The following MPZ variants were observed in gnomAD, a reference collection of about 807,000 sequenced individuals.
MPZ encodes myelin protein zero.
MPZ carries 13 observed loss-of-function variants against 27.9 expected under a neutral mutation model. That is an observed-to-expected ratio of 0.47 (90% confidence interval 0.30 to 0.74). The LOEUF (loss-of-function observed/expected upper bound fraction) is 0.74, where lower values mean the gene tolerates loss of function less well. Among genes scored for constraint, MPZ ranks in the 30% least tolerant of loss-of-function variants. The probability of loss-of-function intolerance (pLI) is 0.06; values close to 1 mark genes in which losing one functional copy is unlikely to be tolerated. For synonymous variants in MPZ, 118 were observed against 128.9 expected, an observed-to-expected ratio of 0.92 and a Z score of 0.57; for missense variants, 256 against 317.5, an observed-to-expected ratio of 0.81 and a Z score of 1.47.
At chr1:161,309,535 C>CATATATATATATATATAT (rs568535304) in intron 1 of MPZ, among the ~76,000 whole-genome samples, 64 of 112,288 alleles carry the variant, frequency 5.7e-4, no homozygotes, top group Non-Finnish European at 9.4e-4. Context: ...TTTTTCTTTT[C>CATATATATATATATATAT]ATATATATAT....
At position 161,307,561 on chromosome 1, in the gene MPZ, C is replaced by G. The variant is rs377278608; in HGVS notation, c.68-137G>C. On this transcript the variant is annotated intron_variant, in intron 1 of 5. Transcript: ENST00000533357. ...GAAAAGAAACAACAAATTCTGAGCCCCAAGTCTCTGGGGACTAACTGAACA... is the reference window on the plus strand; with the variant it reads ...GAAAAGAAACAACAAATTCTGAGCCGCAAGTCTCTGGGGACTAACTGAACA... 2.6e-5 allele frequency: 24 copies of G among 907,174 alleles called. No homozygotes were observed. In the African/African-American group the frequency reaches 3.5e-4, roughly 13 times the overall value. 56.2% of individuals were successfully genotyped at this position (907,174 alleles called of 1,614,324 possible). A position where few individuals can be genotyped will look rare whatever the true frequency, so the allele number is the denominator to read the frequency against.
At chr1:161,307,022 A>AG in intron 2 of MPZ, 101 bp from the exon 3 acceptor site, 1 of 969,566 alleles carries the variant, frequency 1.0e-6, no homozygotes, top group East Asian at 2.9e-5. Flanking sequence ...AGCAAAAAAA[A>AG]AAAAAAAAAA....
At position 161,305,836 on chromosome 1, in the gene MPZ, C is replaced by G. The variant is rs772044418; in HGVS notation, c.*40G>C. 4.1e-6 allele frequency: 6 copies of G among 1,465,752 alleles called. No homozygotes were observed. The Admixed American group carries it at 1.0e-4, about 25-fold the overall frequency. 90.8% of individuals were successfully genotyped at this position (1,465,752 alleles called of 1,614,324 possible). A position where few individuals can be genotyped will look rare whatever the true frequency, so the allele number is the denominator to read the frequency against. On this transcript the variant is annotated 3_prime_UTR_variant, in exon 6 of 6. Transcript: ENST00000533357. ...ATCACCTTTGGGCCTTTGGCGGACT[C>G]CACCCCTAACCCCCGATCCCCCGCC...
intron 1 of MPZ, among the ~76,000 whole-genome samples, chr1:161,309,101 A>T (rs1208394321): frequency 1.3e-5 from 2 of 152,236 alleles, no homozygotes; most frequent in African/African-American, 4.8e-5. Flanking sequence ...GGGCAAGGAA[A>T]GGGCTGGTCA....
In MPZ at chr1:161,305,603, A is replaced by C; in HGVS notation, c.*273T>G. The C allele has an allele frequency of 2.0e-6, 1 of 508,458 alleles. No individual in the cohort carries two copies. Among genetic ancestry groups the C allele is most frequent in the Non-Finnish European group, 3.5e-6 (1 of 285,552 alleles). 31.5% of individuals were successfully genotyped at this position (508,458 alleles called of 1,614,324 possible). ...TGAGGGCAGGGCAGGGCGGGGGAGCAAAGAGGGAAAGCACCTAGACGGGGG... is the reference window on the plus strand; with the variant it reads ...TGAGGGCAGGGCAGGGCGGGGGAGCCAAGAGGGAAAGCACCTAGACGGGGG... On this transcript the variant is annotated 3_prime_UTR_variant, in exon 6 of 6. Transcript: ENST00000533357.
At chr1:161,309,276 C>T (rs1228015536) in intron 1 of MPZ, among the ~76,000 whole-genome samples, 2 of 152,106 alleles carry the variant, frequency 1.3e-5, no homozygotes, top group Non-Finnish European at 2.9e-5. Context: ...CTTTTTCCTT[C>T]TGGGAAACTA....
rs6685495 is a variant in MPZ, at chr1:161,306,586, G to A, written c.448+122C>T. ...CCAGCTAAAACTGCCTTCTGCCCAC[G>A]CTCCCAGAGCCTGAATAAAGGTCCT... On this transcript the variant is annotated intron_variant, in intron 3 of 5. Coordinates refer to ENST00000533357, the MANE Select transcript of MPZ (RefSeq NM_000530.8). 0.2 allele frequency: 309,842 copies of A among 1,539,790 alleles called. 33,563 individuals carry two copies. Among genetic ancestry groups the A allele is most frequent in the Middle Eastern group, 0.3 (1,760 of 5,910 alleles).
At position 161,306,174 on chromosome 1, in the gene MPZ, A is replaced by G. The variant is rs763165525; in HGVS notation, c.585-6T>C. ...ATTTCCCCTTCTCCATAGCACTGCA[A>G]GAAGAGAGACTGCTGTACGTTTGGC... is the stretch of plus-strand genomic sequence containing the variant. On this transcript the variant is annotated splice_region_variant and splice_polypyrimidine_tract_variant and intron_variant, in intron 4 of 5. Coordinates refer to ENST00000533357, the MANE Select transcript of MPZ (RefSeq NM_000530.8). The G allele has an allele frequency of 6.2e-7, 1 of 1,614,160 alleles. No individual in the cohort carries two copies. Among genetic ancestry groups the G allele is most frequent in the Admixed American group, 1.7e-5 (1 of 60,030 alleles).
rs779544770 is a variant in MPZ, at chr1:161,305,895, G to A, written c.728C>T (p.Ser243Phe). 3 of 1,613,672 alleles carry A rather than the reference G, an allele frequency of 1.9e-6. No homozygotes were observed. In the East Asian group the frequency reaches 6.7e-5, roughly 36 times the overall value. Residue 243 changes from serine to phenylalanine, a missense_variant, in exon 6 of 6, where the codon TCT becomes TTT. By Grantham distance (155) the Ser-to-Phe change is radical (BLOSUM62 -2). This residue lies in a region of MPZ where 101 missense variants were observed against 93.6 expected (regional missense o/e 1.08). Coordinates refer to ENST00000533357, the MANE Select transcript of MPZ (RefSeq NM_000530.8). ...TAACCGCTATTTCTTATCCTTGCGAGACTCCCCCAGCCCCTTGGCCTTCTT... is the reference window on the plus strand; with the variant it reads ...TAACCGCTATTTCTTATCCTTGCGAAACTCCCCCAGCCCCTTGGCCTTCTT... ...SEKKAKGLGE[S>F]RKDKK
intron 1 of MPZ, among the ~76,000 whole-genome samples, chr1:161,308,546 T>C (rs1670316510): frequency 6.6e-6 from 1 of 152,168 alleles, no homozygotes. Flanking sequence ...GGGGGGCTCA[T>C]GCCACCCCTA....
At chr1:161,306,308 G>A in intron 4 of MPZ, 21 bp downstream of exon 4, 1 of 1,614,110 alleles carries the variant, frequency 6.2e-7, no homozygotes, top group Non-Finnish European at 8.5e-7. Flanking sequence ...AGGGGGAGGG[G>A]AGCTAGGCTC....
chr1:161,306,565 C>G, intron 3 of MPZ, 101 bp from the exon 4 acceptor site: 5 of 1,572,096 alleles, frequency 3.2e-6, no homozygotes, highest in Non-Finnish European at 3.5e-6. Flanking sequence ...GGACTCCCAG[C>G]TAAAACTGCC....
chr1:161,309,831 C>T lies in MPZ; in HGVS notation c.67+8G>A. The T allele has an allele frequency of 1.3e-6, 2 of 1,574,200 alleles. No individual in the cohort carries two copies. Among genetic ancestry groups the T allele is most frequent in the Non-Finnish European group, 1.7e-6 (2 of 1,159,620 alleles). On this transcript the variant is annotated splice_region_variant and intron_variant, in intron 1 of 5. Coordinates refer to ENST00000533357, the MANE Select transcript of MPZ (RefSeq NM_000530.8). ...CCAAGACTCCCAGAGTAGAGTGGCT[C>T]CACTTACCCAAAGAAGAGAAGAGCA... is the stretch of plus-strand genomic sequence containing the variant.
In MPZ at chr1:161,306,114, C is replaced by T. The variant is rs1558153432; in HGVS notation, c.639G>A (p.Gly213=). Residue 213 remains glycine (G), a synonymous_variant, in exon 5 of 6, where the codon GGG becomes GGA. Coordinates refer to ENST00000533357, the MANE Select transcript of MPZ (RefSeq NM_000530.8). ...GGCCCCAAGTCCCGCTAACCTGCCG[C>T]CCGCGCTTCGACGCGTCCTTTCCTG... The part of the protein sequence containing the change: ...HKPGKDASKR[G]RQTPVLYAML... The T allele has an allele frequency of 6.2e-7, 1 of 1,614,256 alleles. No individual in the cohort carries two copies. Among genetic ancestry groups the T allele is most frequent in the Admixed American group, 1.7e-5 (1 of 60,036 alleles).
At chr1:161,309,552 A>ATATATATATATATATTTTTTTTTTTTTT in intron 1 of MPZ, among the ~76,000 whole-genome samples, 1 of 80,666 alleles carries the variant, frequency 1.2e-5, no homozygotes, top group Non-Finnish European at 2.4e-5. Context: ...ATATATATAT[A>ATATATATATATATATTTTTTTTTTTTTT]TTTTTTTTTT....
At chr1:161,303,975 G>A (rs1384075000), downstream of MPZ, among the ~76,000 whole-genome samples, 1 of 152,118 alleles carries the variant, frequency 6.6e-6, no homozygotes, top group African/African-American at 2.4e-5. Flanking sequence ...GAAATTACTT[G>A]TGGGCACTTT....
chr1:161,309,552 A>ATATATTTTTTT, intron 1 of MPZ, among the ~76,000 whole-genome samples: 3 of 80,666 alleles, frequency 3.7e-5, no homozygotes, highest in Admixed American at 2.6e-4. Flanking sequence ...ATATATATAT[A>ATATATTTTTTT]TTTTTTTTTT....
chr1:161,308,402 T>C (rs1414916899), intron 1 of MPZ, among the ~76,000 whole-genome samples: 1 of 152,150 alleles, frequency 6.6e-6, no homozygotes, highest in African/African-American at 2.4e-5. Context: ...CCCCAAGACT[T>C]ACCCACACAA....
chr1:161,306,223 G>A, intron 4 of MPZ, 55 bp from the exon 5 acceptor site: 2 of 1,611,432 alleles, frequency 1.2e-6, no homozygotes, highest in Non-Finnish European at 1.7e-6. Flanking sequence ...CTTGCACCGC[G>A]GACACAGCTT....
Sources: allele counts gnomAD v4.1 joint callset (sites outside exome capture counted in the v4.1 genomes callset), GRCh38; gene constraint gnomAD v4.1.1; regional missense constraint gnomAD v4.1.1; transcripts MANE v1.5; gene names NCBI Gene and HGNC (gene_info 2026-07-23, HGNC 2026-07-21).